The following RBFOX1 variants were observed in gnomAD, a reference collection of about 807,000 sequenced individuals.
RBFOX1 encodes RNA binding protein fox-1 homolog 1.
A neutral mutation model predicts 57.7 loss-of-function variants in RBFOX1; 8 were observed. The observed-to-expected ratio is 0.14, with a 90% CI of 0.08 to 0.25. The LOEUF (loss-of-function observed/expected upper bound fraction) is 0.25, where lower values mean the gene tolerates loss of function less well. RBFOX1 is among the 10% of genes least tolerant of loss of function. The probability of loss-of-function intolerance (pLI) is 1.00; values close to 1 mark genes in which losing one functional copy is unlikely to be tolerated. For synonymous variants in RBFOX1, 326 were observed against 222.4 expected, an observed-to-expected ratio of 1.47 and a Z score of -4.15; for missense variants, 611 against 548.5, an observed-to-expected ratio of 1.11 and a Z score of -1.14.
At chr16:6,332,828 G>A (rs2083200279) in intron 2 of RBFOX1, among the ~76,000 whole-genome samples, 2 of 152,126 alleles carry the variant, frequency 1.3e-5, no homozygotes, top group African/African-American at 2.4e-5. Context: ...GTAGATGAAA[G>A]GTGTTGGAAA....
intron 4 of RBFOX1, among the ~76,000 whole-genome samples, chr16:5,965,527 C>T (rs1193171117): frequency 1.3e-5 from 2 of 152,150 alleles, no homozygotes; most frequent in Non-Finnish European, 2.9e-5. Flanking sequence ...ATAACCACAC[C>T]TTCACCTACA....
chr16:7,140,945 C>G (rs2073597476), intron 4 of RBFOX1, among the ~76,000 whole-genome samples: 1 of 152,112 alleles, frequency 6.6e-6, no homozygotes, highest in Non-Finnish European at 1.5e-5. Context: ...GTCTCAGAGC[C>G]TAACGTGGAA....
At chr16:7,036,486 G>A (rs953326877) in intron 3 of RBFOX1, among the ~76,000 whole-genome samples, 6 of 152,068 alleles carry the variant, frequency 3.9e-5, no homozygotes, top group African/African-American at 1.4e-4. Flanking sequence ...TGAGGCAGGC[G>A]GATTACAAGG....
At chr16:6,495,083 A>G (rs536195681) in intron 2 of RBFOX1, among the ~76,000 whole-genome samples, 2 of 152,236 alleles carry the variant, frequency 1.3e-5, no homozygotes, top group East Asian at 3.9e-4. Flanking sequence ...CCGCATTTTA[A>G]CCACTAATCA....
intron 1 of RBFOX1, among the ~76,000 whole-genome samples, chr16:5,350,640 C>A (rs538457396): frequency 1.5e-3 from 229 of 152,222 alleles, no homozygotes; most frequent in African/African-American, 5.3e-3. Flanking sequence ...CCAAAGCGGG[C>A]GGATCACCTG....
intron 2 of RBFOX1, among the ~76,000 whole-genome samples, chr16:5,520,561 A>G (rs987626177): frequency 2.0e-5 from 3 of 152,154 alleles, no homozygotes; most frequent in Non-Finnish European, 2.9e-5. Context: ...TGAGACTGGG[A>G]TGCAATGCAA....
intron 3 of RBFOX1, among the ~76,000 whole-genome samples, chr16:6,988,731 A>ATTTT (rs111959126): frequency 0.018 from 1,666 of 90,886 alleles, 88 homozygotes; most frequent in African/African-American, 0.085. Context: ...CACCCAGCTA[A>ATTTT]TTTTTTTTTT....
intron 3 of RBFOX1, among the ~76,000 whole-genome samples, chr16:7,048,721 T>A (rs530243997): frequency 7.9e-5 from 12 of 152,222 alleles, no homozygotes; most frequent in Non-Finnish European, 1.5e-4. Context: ...GATGTTGGTG[T>A]CTGTGAATGT....
chr16:5,806,280 G>C (rs2055223729), intron 3 of RBFOX1, among the ~76,000 whole-genome samples: 1 of 152,174 alleles, frequency 6.6e-6, no homozygotes. Context: ...CACAGTTCTG[G>C]AGGCTGGGAA....
chr16:6,711,667 A>T (rs1037232729), intron 3 of RBFOX1, among the ~76,000 whole-genome samples: 5 of 152,150 alleles, frequency 3.3e-5, no homozygotes, highest in African/African-American at 1.2e-4. Flanking sequence ...TGGAACTGTG[A>T]ATCAGTTAAA....
At chr16:6,974,418 C>G (rs1389062482) in intron 3 of RBFOX1, among the ~76,000 whole-genome samples, 1 of 126,492 alleles carries the variant, frequency 7.9e-6, no homozygotes, top group African/African-American at 2.9e-5. Context: ...AATCTCAGTT[C>G]ACTGCAACTT....
intron 4 of RBFOX1, among the ~76,000 whole-genome samples, chr16:7,398,201 C>CT (rs2098174246): frequency 6.6e-6 from 1 of 152,216 alleles, no homozygotes; most frequent in Non-Finnish European, 1.5e-5. Context: ...GACGCTTATG[C>CT]TTAAAGCATC....
intron 2 of RBFOX1, among the ~76,000 whole-genome samples, chr16:5,597,923 C>G (rs553278416): frequency 3.9e-5 from 6 of 152,196 alleles, no homozygotes; most frequent in African/African-American, 1.4e-4. Context: ...CTCTCTTTTG[C>G]TTCTTCACCT....
chr16:7,564,573 C>G (rs1216088724), intron 5 of RBFOX1, among the ~76,000 whole-genome samples: 3 of 125,444 alleles, frequency 2.4e-5, no homozygotes, highest in East Asian at 4.8e-4. Context: ...AAAAAAGGCA[C>G]TCATCTGCAA....
intron 4 of RBFOX1, among the ~76,000 whole-genome samples, chr16:7,213,197 C>T (rs1036289487): frequency 6.6e-6 from 1 of 152,190 alleles, no homozygotes; most frequent in Non-Finnish European, 1.5e-5. Context: ...ATGCAGATTA[C>T]ACGGAACAAT....
intron 4 of RBFOX1, among the ~76,000 whole-genome samples, chr16:5,948,250 A>G (rs1430728712): frequency 6.6e-6 from 1 of 152,164 alleles, no homozygotes; most frequent in Non-Finnish European, 1.5e-5. Context: ...TGTTAGTTCT[A>G]TGGAAGGCTT....
At chr16:6,861,658 C>T (rs1457704997) in intron 3 of RBFOX1, among the ~76,000 whole-genome samples, 1 of 151,946 alleles carries the variant, frequency 6.6e-6, no homozygotes, top group Admixed American at 6.6e-5. Context: ...ACTTGGCATG[C>T]AACCTCCTCT....
intron 9 of RBFOX1, among the ~76,000 whole-genome samples, chr16:7,603,129 C>T (rs985307864): frequency 6.6e-6 from 1 of 152,092 alleles, no homozygotes; most frequent in African/African-American, 2.4e-5. Flanking sequence ...AAAGTAATTT[C>T]AACTAAGCAA....
At chr16:6,082,135 T>G (rs1388785004) in intron 1 of RBFOX1, among the ~76,000 whole-genome samples, 1 of 151,644 alleles carries the variant, frequency 6.6e-6, no homozygotes, top group Non-Finnish European at 1.5e-5. Flanking sequence ...ATGAGAAATT[T>G]AAACAACTTA....
Sources: gnomAD v4.1 joint callset for allele counts (sites outside exome capture counted in the v4.1 genomes callset) on GRCh38, gnomAD v4.1.1 for gene constraint, MANE v1.5 for transcripts, NCBI Gene and HGNC (gene_info 2026-07-23, HGNC 2026-07-21) for gene names.